EYS: variants seen among roughly 807,000 people sequenced by gnomAD.
EYS encodes the protein EGF-like photoreceptor maintenance factor.
In EYS, 250 loss-of-function variants were observed where a neutral mutation model predicts 282.1. The observed-to-expected ratio is 0.89, with a 90% confidence interval of 0.80 to 0.98. EYS has a LOEUF of 0.98. EYS is among the 50% of genes least tolerant of loss of function. The probability of loss-of-function intolerance (pLI) is 0.00; values close to 1 mark genes in which losing one functional copy is unlikely to be tolerated. For missense variants in EYS, 4,016 were observed against 3,709.0 expected (o/e 1.08, Z -2.15); for synonymous variants, 1,355 against 1,282.9 (o/e 1.06, Z -1.20).
chr6:65,251,678 C>A (rs919187216), intron 12 of EYS, among the ~76,000 whole-genome samples: 1 of 151,928 alleles, frequency 6.6e-6, no homozygotes, highest in Non-Finnish European at 1.5e-5. Flanking sequence ...GGGTAGAAGA[C>A]CCAAATGCCA....
intron 8 of EYS, among the ~76,000 whole-genome samples, chr6:65,380,720 C>T (rs1765578741): frequency 6.6e-6 from 1 of 151,992 alleles, no homozygotes; most frequent in Admixed American, 6.6e-5. Context: ...GCAAACTATC[C>T]ATCTGACAAA....
intron 21 of EYS, among the ~76,000 whole-genome samples, chr6:64,820,106 C>T (rs1028937468): frequency 3.9e-5 from 6 of 151,944 alleles, no homozygotes; most frequent in Admixed American, 1.3e-4. Flanking sequence ...GTGTGGTCTT[C>T]AGTGTTTATT....
At chr6:64,220,751 T>C (rs186528742) in intron 31 of EYS, among the ~76,000 whole-genome samples, 1 of 152,290 alleles carries the variant, frequency 6.6e-6, no homozygotes, top group East Asian at 1.9e-4. Context: ...GATTCCATCT[T>C]TATATTCATA....
intron 31 of EYS, among the ~76,000 whole-genome samples, chr6:64,176,261 C>A (rs1764631163): frequency 6.6e-6 from 1 of 152,022 alleles, no homozygotes; most frequent in African/African-American, 2.4e-5. Context: ...AGAACCCCAG[C>A]AGGGCTTAGA....
At chr6:64,929,334 T>G (rs1583303001) in intron 15 of EYS, among the ~76,000 whole-genome samples, 1 of 152,160 alleles carries the variant, frequency 6.6e-6, no homozygotes, top group South Asian at 2.1e-4. Flanking sequence ...CTGATAAAAC[T>G]GTCTCTTCCT....
intron 12 of EYS, among the ~76,000 whole-genome samples, chr6:65,267,319 T>C (rs1767784091): frequency 6.6e-6 from 1 of 151,968 alleles, no homozygotes; most frequent in African/African-American, 2.4e-5. Context: ...ATAATAATTC[T>C]ATAGTTGGGA....
chr6:64,066,794 G>T (rs958039017), intron 32 of EYS, among the ~76,000 whole-genome samples: 1 of 152,128 alleles, frequency 6.6e-6, no homozygotes, highest in African/African-American at 2.4e-5. Context: ...AAATGGGGTA[G>T]TGAGAGTAAC....
chr6:64,887,889 T>G (rs1236767007), intron 18 of EYS, among the ~76,000 whole-genome samples: 2 of 152,058 alleles, frequency 1.3e-5, no homozygotes, highest in Non-Finnish European at 2.9e-5. Context: ...AGAAAAGGTC[T>G]TACTCAGTAT....
chr6:64,662,323 T>G (rs1233277483), intron 22 of EYS, among the ~76,000 whole-genome samples: 5 of 152,024 alleles, frequency 3.3e-5, no homozygotes, highest in Non-Finnish European at 5.9e-5. Context: ...ACATGGCAGA[T>G]GTATACATAT....
intron 8 of EYS, among the ~76,000 whole-genome samples, chr6:65,361,172 G>C (rs1764690013): frequency 6.6e-6 from 1 of 151,790 alleles, no homozygotes; most frequent in African/African-American, 2.4e-5. Context: ...GAGAACACAT[G>C]AACACAGGAA....
At chr6:64,728,206 C>T (rs932166587) in intron 22 of EYS, among the ~76,000 whole-genome samples, 21 of 152,054 alleles carry the variant, frequency 1.4e-4, no homozygotes, top group Admixed American at 1.1e-3. Context: ...GTACCCATGA[C>T]CCCTGAAGCC....
intron 11 of EYS, among the ~76,000 whole-genome samples, chr6:65,321,199 A>G (rs1186073126): frequency 6.7e-6 from 1 of 148,704 alleles, no homozygotes; most frequent in East Asian, 2.0e-4. Context: ...GATTAACATG[A>G]TTTAAAATGG....
chr6:64,140,632 T>C (rs1774310448), intron 31 of EYS, among the ~76,000 whole-genome samples: 1 of 152,108 alleles, frequency 6.6e-6, no homozygotes, highest in Admixed American at 6.6e-5. Flanking sequence ...CTGTATCACG[T>C]CCCCTGCTAG....
intron 37 of EYS, among the ~76,000 whole-genome samples, chr6:63,804,474 T>C (rs989998855): frequency 3.9e-5 from 6 of 152,230 alleles, no homozygotes; most frequent in Non-Finnish European, 8.8e-5. Flanking sequence ...TGGTGGAGAC[T>C]GATTCATGTC....
chr6:64,966,513 G>A (rs1035326187), intron 14 of EYS, among the ~76,000 whole-genome samples: 4 of 152,110 alleles, frequency 2.6e-5, no homozygotes, highest in Non-Finnish European at 4.4e-5. Context: ...ATGTGAGGAC[G>A]AAAACAGGTT....
At chr6:65,511,734 C>A (rs1232819407) in intron 2 of EYS, among the ~76,000 whole-genome samples, 1 of 152,056 alleles carries the variant, frequency 6.6e-6, no homozygotes, top group African/African-American at 2.4e-5. Context: ...AGGGGGCTCA[C>A]TTGACGTCAG....
intron 24 of EYS, among the ~76,000 whole-genome samples, chr6:64,615,026 T>C (rs1297456469): frequency 2.0e-5 from 3 of 152,104 alleles, no homozygotes; most frequent in Non-Finnish European, 2.9e-5. Flanking sequence ...CAGAATGTGA[T>C]AACTGATGCA....
At chr6:65,572,477 T>C (rs566632845) in intron 2 of EYS, among the ~76,000 whole-genome samples, 2 of 152,256 alleles carry the variant, frequency 1.3e-5, no homozygotes, top group African/African-American at 4.8e-5. Context: ...GAAATTTTTG[T>C]CACACATGAA....
chr6:64,901,814 A>G (rs1767674317), intron 18 of EYS, among the ~76,000 whole-genome samples: 1 of 152,192 alleles, frequency 6.6e-6, no homozygotes, highest in Non-Finnish European at 1.5e-5. Flanking sequence ...ATTATGTTCA[A>G]CAACAATTTC....
Sources: allele counts gnomAD v4.1 joint callset (sites outside exome capture counted in the v4.1 genomes callset), GRCh38; gene constraint gnomAD v4.1.1; transcripts MANE v1.5; gene names NCBI Gene and HGNC (gene_info 2026-07-23, HGNC 2026-07-21).